Variants in RBFOX1 observed in about 807,000 individuals in gnomAD.
The protein encoded by RBFOX1 is RNA binding protein fox-1 homolog 1.
A neutral mutation model predicts 57.7 loss-of-function variants in RBFOX1; 8 were observed. That is an observed-to-expected ratio of 0.14 (90% CI 0.08 to 0.25). The LOEUF is 0.25. Among genes scored for constraint, RBFOX1 ranks in the 10% least tolerant of loss-of-function variants. The pLI is 1.00. For synonymous variants in RBFOX1, 326 were observed against 222.4 expected (o/e 1.47, Z -4.15); for missense variants, 611 against 548.5 (o/e 1.11, Z -1.14).
intron 2 of RBFOX1, among the ~76,000 whole-genome samples, chr16:5,585,062 C>A (rs116306174): frequency 0.016 from 2,434 of 152,216 alleles, 73 homozygotes; most frequent in African/African-American, 0.055. Context: ...AATTCAGTGG[C>A]ATTTAATACT....
intron 5 of RBFOX1, among the ~76,000 whole-genome samples, chr16:7,572,839 A>AAATG: frequency 1.3e-5 from 2 of 150,874 alleles, no homozygotes; most frequent in African/African-American, 4.9e-5. Context: ...AGTCTCTCTC[A>AAATG]AATGAATAAA....
At position 5,386,438 on chromosome 16, in the gene RBFOX1, C is replaced by G. The variant is rs191603267; in HGVS notation, c.220-80778C>G. On this transcript the variant is annotated intron_variant, in intron 1 of 2. Coordinates refer to the RBFOX1 transcript ENST00000585867. ...TGCTGAGCCACGCAAGAGGGCTGTT[C>G]CTAGTGCTCCAGCATAGAAGCCAAA... Among the ~76,000 whole-genome samples, 48 of 152,248 alleles carry G rather than the reference C, an allele frequency of 3.2e-4. No homozygotes were observed. In the East Asian group the frequency reaches 8.3e-3, roughly 26 times the overall value.
intron 3 of RBFOX1, among the ~76,000 whole-genome samples, chr16:7,014,192 C>G (rs1421153439): frequency 1.3e-5 from 2 of 151,712 alleles, no homozygotes; most frequent in Admixed American, 6.6e-5. Context: ...ATAACCTGTT[C>G]AAAATGATGT....
chr16:7,592,117 C>G (rs1222059713), intron 7 of RBFOX1, among the ~76,000 whole-genome samples: 2 of 152,146 alleles, frequency 1.3e-5, no homozygotes, highest in Non-Finnish European at 2.9e-5. Context: ...TGAGGACCGT[C>G]TGGAGCACAT....
At chr16:6,583,129 C>T (rs1278806224) in intron 2 of RBFOX1, among the ~76,000 whole-genome samples, 3 of 152,180 alleles carry the variant, frequency 2.0e-5, no homozygotes, top group East Asian at 3.9e-4. Context: ...CAGCATTCTC[C>T]ACTCAGAAAG....
chr16:7,103,745 G>A (rs1329993465), intron 4 of RBFOX1, among the ~76,000 whole-genome samples: 1 of 152,082 alleles, frequency 6.6e-6, no homozygotes, highest in African/African-American at 2.4e-5. Context: ...CAAGTCTGGT[G>A]GTATCAGAAT....
At chr16:6,408,756 A>G (rs1223126018) in intron 2 of RBFOX1, among the ~76,000 whole-genome samples, 1 of 152,130 alleles carries the variant, frequency 6.6e-6, no homozygotes, top group African/African-American at 2.4e-5. Flanking sequence ...TCACAGGTCA[A>G]ACAACAAGTC....
intron 4 of RBFOX1, among the ~76,000 whole-genome samples, chr16:7,384,845 A>C (rs375734363): frequency 6.6e-6 from 1 of 152,208 alleles, no homozygotes; most frequent in South Asian, 2.1e-4. Flanking sequence ...CTTATATTCT[A>C]GTTGAAAGGA....
At chr16:5,540,554 C>T (rs1224577740) in intron 2 of RBFOX1, among the ~76,000 whole-genome samples, 1 of 152,130 alleles carries the variant, frequency 6.6e-6, no homozygotes, top group Non-Finnish European at 1.5e-5. Flanking sequence ...CCGGGAAATC[C>T]ACAGTAACGG....
intron 2 of RBFOX1, among the ~76,000 whole-genome samples, chr16:6,589,034 T>C (rs1436421958): frequency 2.0e-5 from 3 of 152,174 alleles, no homozygotes; most frequent in Non-Finnish European, 4.4e-5. Flanking sequence ...AGGAACCTTT[T>C]CAGAATGGGT....
intron 4 of RBFOX1, among the ~76,000 whole-genome samples, chr16:7,099,244 G>C (rs998048001): frequency 1.3e-5 from 2 of 152,154 alleles, no homozygotes; most frequent in Non-Finnish European, 2.9e-5. Context: ...AGGGAGGGTA[G>C]ATACAGGGCA....
chr16:5,494,461 G>C (rs1008508666), intron 2 of RBFOX1, among the ~76,000 whole-genome samples: 6 of 152,192 alleles, frequency 3.9e-5, no homozygotes, highest in Admixed American at 2.0e-4. Context: ...AATTACTCTG[G>C]GGGCATTGAT....
chr16:6,863,443 C>G (rs1426865952), intron 3 of RBFOX1, among the ~76,000 whole-genome samples: 2 of 151,994 alleles, frequency 1.3e-5, no homozygotes, highest in Admixed American at 1.3e-4. Flanking sequence ...AGGAACTAAG[C>G]AAGTTTTGCC....
intron 4 of RBFOX1, among the ~76,000 whole-genome samples, chr16:7,230,413 T>C (rs2093430725): frequency 6.6e-6 from 1 of 152,164 alleles, no homozygotes; most frequent in Non-Finnish European, 1.5e-5. Context: ...AGTTAACTTA[T>C]TCATCTGCCT....
intron 1 of RBFOX1, among the ~76,000 whole-genome samples, chr16:6,031,471 C>T (rs372333008): frequency 4.6e-5 from 7 of 152,218 alleles, no homozygotes; most frequent in South Asian, 2.1e-4. Context: ...AAGATAGGTG[C>T]GAGAATAAGG....
chr16:7,282,962 C>G (rs561210507), intron 4 of RBFOX1, among the ~76,000 whole-genome samples: 1 of 152,080 alleles, frequency 6.6e-6, no homozygotes, highest in East Asian at 1.9e-4. Context: ...GTTTGTGTAT[C>G]TGTGTGTGTG....
At chr16:6,633,140 T>G (rs1347782061) in intron 2 of RBFOX1, among the ~76,000 whole-genome samples, 1 of 152,192 alleles carries the variant, frequency 6.6e-6, no homozygotes, top group Non-Finnish European at 1.5e-5. Context: ...GCAGCTGACG[T>G]GCACCCCTGT....
chr16:5,699,932 C>G (rs1391028684), intron 3 of RBFOX1, among the ~76,000 whole-genome samples: 1 of 152,156 alleles, frequency 6.6e-6, no homozygotes, highest in Non-Finnish European at 1.5e-5. Flanking sequence ...CTCCCGGGTT[C>G]ACGCCATTCT....
chr16:6,361,175 C>G (rs1568017037), intron 2 of RBFOX1, among the ~76,000 whole-genome samples: 1 of 152,080 alleles, frequency 6.6e-6, no homozygotes, highest in African/African-American at 2.4e-5. Flanking sequence ...GTCTCAATCA[C>G]TGAAACAGGC....
Sources: gnomAD v4.1 joint callset for allele counts (sites outside exome capture counted in the v4.1 genomes callset) on GRCh38, gnomAD v4.1.1 for gene constraint, MANE v1.5 for transcripts, NCBI Gene and HGNC (gene_info 2026-07-23, HGNC 2026-07-21) for gene names.